The following C19orf47 variants were observed in gnomAD, a reference collection of about 807,000 sequenced individuals.
C19orf47 encodes the protein uncharacterized protein C19orf47.
Under a neutral mutation model 32.3 loss-of-function variants are expected in C19orf47, and 18 were observed. That is an observed-to-expected ratio of 0.56 (90% CI 0.39 to 0.83). The LOEUF is 0.83. Among genes scored for constraint, C19orf47 ranks in the 40% least tolerant of loss-of-function variants. The pLI is 0.00. For synonymous variants in C19orf47, 202 were observed against 211.1 expected (o/e 0.96, Z 0.37); for missense variants, 484 against 531.6 (o/e 0.91, Z 0.88).
chr19:40,303,413 C>T, the C19orf47 span, among the ~76,000 whole-genome samples: 2 of 150,976 alleles, frequency 1.3e-5, no homozygotes, highest in South Asian at 4.2e-4. Context: ...GTCCCAGCTA[C>T]TTGGGAGGCT....
chr19:40,330,249 G>C (rs1398783714), intron 5 of C19orf47, among the ~76,000 whole-genome samples: 2 of 144,776 alleles, frequency 1.4e-5, no homozygotes, highest in African/African-American at 5.1e-5. Context: ...TTTTTTTTGA[G>C]ACAGAGTCTC....
rs2078107818 is a variant in C19orf47 at position 40,338,292 on chromosome 19, A to ACACAAAT, written c.20-1886_20-1885insATTTGTG. Among the ~76,000 whole-genome samples, 6 of 104,596 alleles carry ACACAAAT rather than the reference A, an allele frequency of 5.7e-5. 1 individual carries two copies. The highest frequency in any genetic ancestry group is 3.3e-4 in the South Asian group (1 of 2,986). The allele number at this position is 104,596 out of a possible 152,430, so 68.6% of individuals were successfully genotyped here. Reference sequence around the variant, plus strand: ...ACACACACACACACACACACACACAAATATATATATATACACATATATATA... The same window carrying ACACAAAT: ...ACACACACACACACACACACACACAACACAAATATATATATATATACACATATATATA... On this transcript the variant is annotated intron_variant, in intron 2 of 8. Coordinates refer to ENST00000683109, the MANE Select transcript of C19orf47 (RefSeq NM_001256441.2).
At chr19:40,301,299 T>C in the C19orf47 span, among the ~76,000 whole-genome samples, 1 of 151,038 alleles carries the variant, frequency 6.6e-6, no homozygotes, top group Admixed American at 6.6e-5. Flanking sequence ...CCTGGCTTCA[T>C]AACCTTGAGA....
intron 2 of C19orf47, 60 bp downstream of exon 2, chr19:40,341,779 G>A (rs2078182623): frequency 1.3e-6 from 2 of 1,534,580 alleles, no homozygotes; most frequent in Non-Finnish European, 1.7e-6. Flanking sequence ...CCCCACCAAG[G>A]CCATACCTCA....
At chr19:40,332,375 G>A (rs998482871) in intron 5 of C19orf47, 3 of 151,746 alleles carry the variant, frequency 2.0e-5, no homozygotes, top group African/African-American at 4.8e-5. Context: ...AAAAGGTCAG[G>A]TGCAGTGGTG....
At chr19:40,326,306 G>A (rs1400152980) in intron 7 of C19orf47, 28 bp downstream of exon 7, 1 of 1,613,266 alleles carries the variant, frequency 6.2e-7, no homozygotes, top group Non-Finnish European at 8.5e-7. Flanking sequence ...GGACCCCGCA[G>A]GGAAGCATGC....
chr19:40,297,701 G>GA, the C19orf47 span, among the ~76,000 whole-genome samples: 15,236 of 108,128 alleles, frequency 0.14, 1,335 homozygotes, highest in African/African-American at 0.27. Flanking sequence ...CTCCGTCTCG[G>GA]AAAAAAAAAA....
chr19:40,297,701 G>GAAAA, the C19orf47 span, among the ~76,000 whole-genome samples: 2 of 110,858 alleles, frequency 1.8e-5, no homozygotes, highest in Admixed American at 8.5e-5. Flanking sequence ...CTCCGTCTCG[G>GAAAA]AAAAAAAAAA....
chr19:40,294,692 T>C, the C19orf47 span, among the ~76,000 whole-genome samples: 2 of 152,194 alleles, frequency 1.3e-5, no homozygotes, highest in African/African-American at 2.4e-5. Context: ...GAGCTTGGCT[T>C]TTCCATCAGT....
intron 7 of C19orf47, among the ~76,000 whole-genome samples, chr19:40,325,170 T>C (rs2077803189): frequency 6.6e-6 from 1 of 151,242 alleles, no homozygotes; most frequent in African/African-American, 2.4e-5. Flanking sequence ...CTTGGGAGAC[T>C]GAGGCAGGAG....
At chr19:40,346,442 C>CAAATAAATAAAT (rs201362970) in intron 1 of C19orf47, among the ~76,000 whole-genome samples, 22 of 105,864 alleles carry the variant, frequency 2.1e-4, no homozygotes, top group African/African-American at 3.7e-4. Flanking sequence ...GACCTTGTCT[C>CAAATAAATAAAT]AAATAAATAA....
downstream of C19orf47, among the ~76,000 whole-genome samples, chr19:40,317,163 T>C (rs2077667773): frequency 6.6e-6 from 1 of 151,896 alleles, no homozygotes; most frequent in African/African-American, 2.4e-5. Flanking sequence ...CCAAGTGGAG[T>C]TGCAGTGGTG....
At chr19:40,335,465 G>C (rs73046319) in intron 4 of C19orf47, among the ~76,000 whole-genome samples, 1,675 of 152,290 alleles carry the variant, frequency 0.011, 17 homozygotes, top group Non-Finnish European at 0.017. Flanking sequence ...CACAACCAGG[G>C]CTGGGAGCAG....
the C19orf47 span, among the ~76,000 whole-genome samples, chr19:40,294,809 T>C: frequency 0.018 from 2,759 of 152,300 alleles, 86 homozygotes; most frequent in African/African-American, 0.063. Context: ...GGCATTCTCT[T>C]TGTCCACTCG....
the C19orf47 span, among the ~76,000 whole-genome samples, chr19:40,304,418 T>C: frequency 3.8e-4 from 58 of 152,200 alleles, no homozygotes; most frequent in Non-Finnish European, 4.1e-4. Flanking sequence ...ATCTTCTCAA[T>C]CAGGAAAGAT....
intron 1 of C19orf47, among the ~76,000 whole-genome samples, chr19:40,347,320 A>C (rs1282486823): frequency 1.3e-5 from 2 of 152,078 alleles, no homozygotes; most frequent in African/African-American, 4.8e-5. Flanking sequence ...ACCTGAAGTC[A>C]GAAGTTCGAG....
At chr19:40,348,104 G>A (rs2078359775) in intron 1 of C19orf47, among the ~76,000 whole-genome samples, 4 of 152,136 alleles carry the variant, frequency 2.6e-5, no homozygotes, top group African/African-American at 9.7e-5. Context: ...GCTGAGCTAA[G>A]GCATCCAACG....
At chr19:40,338,477 C>T (rs1184496659) in intron 2 of C19orf47, among the ~76,000 whole-genome samples, 7 of 151,798 alleles carry the variant, frequency 4.6e-5, no homozygotes, top group African/African-American at 7.3e-5. Flanking sequence ...CCTCCACCTC[C>T]GGGTTCAAGC....
chr19:40,313,653 C>T, the C19orf47 span, among the ~76,000 whole-genome samples: 1 of 152,134 alleles, frequency 6.6e-6, no homozygotes, highest in African/African-American at 2.4e-5. Context: ...ATGATTTACA[C>T]ATTGGGGTTC....
Sources: gnomAD v4.1 joint callset for allele counts (sites outside exome capture counted in the v4.1 genomes callset) on GRCh38, gnomAD v4.1.1 for gene constraint, MANE v1.5 for transcripts, NCBI Gene and HGNC (gene_info 2026-07-23, HGNC 2026-07-21) for gene names.